GCAT: variants seen among roughly 807,000 people sequenced by gnomAD.
GCAT encodes the protein glycine C-acetyltransferase.
A neutral mutation model predicts 39.7 loss-of-function variants in GCAT; 26 were observed. The observed-to-expected ratio is 0.65, with a 90% CI of 0.48 to 0.91. The LOEUF (loss-of-function observed/expected upper bound fraction) is 0.91. Among genes scored for constraint, GCAT ranks in the 40% least tolerant of loss-of-function variants. The probability of loss-of-function intolerance (pLI) is 0.00; values close to 1 mark genes in which losing one functional copy is unlikely to be tolerated. For missense variants in GCAT, 550 were observed against 576.2 expected (o/e 0.95, Z 0.47); for synonymous variants, 218 against 237.2 (o/e 0.92, Z 0.74).
intron 8 of GCAT, 86 bp from the exon 9 acceptor site, chr22:37,816,481 C>A: frequency 6.4e-7 from 1 of 1,558,142 alleles, no homozygotes; most frequent in Non-Finnish European, 8.8e-7. Context: ...AGTCCCGAAT[C>A]TGAGACCTGG....
At chr22:37,809,519 G>T (rs1236730452) in intron 1 of GCAT, among the ~76,000 whole-genome samples, 2 of 152,082 alleles carry the variant, frequency 1.3e-5, no homozygotes, top group African/African-American at 4.8e-5. Context: ...GGTAGAATGT[G>T]ATTCAAAGCC....
rs1601690667 is a variant in GCAT at position 37,808,174 on chromosome 22, G to T, written c.196+11G>T. The T allele has an allele frequency of 4.1e-6, 6 of 1,473,866 alleles. No individual in the cohort carries two copies. Among genetic ancestry groups the T allele is most frequent in the Non-Finnish European group, 5.4e-6 (6 of 1,109,928 alleles). 91.3% of individuals were successfully genotyped at this position (1,473,866 alleles called of 1,614,324 possible). ...ACGGCGTCTCCGGAGGTAACGCTCC[G>T]TTCCGGGAGTCGTTCCAAGACCTTT... On this transcript the variant is annotated intron_variant, in intron 1 of 8. Coordinates refer to ENST00000248924, the MANE Select transcript of GCAT (RefSeq NM_014291.4).
At chr22:37,809,831 A>G in intron 1 of GCAT, 196 bp from the exon 2 acceptor site, 3 of 674,724 alleles carry the variant, frequency 4.4e-6, no homozygotes, top group Non-Finnish European at 7.7e-6. Flanking sequence ...AAAAAAAAAA[A>G]GTTTAAACTT....
At chr22:37,812,864 C>A in intron 2 of GCAT, 23 bp from the exon 3 acceptor site, 1 of 1,522,704 alleles carries the variant, frequency 6.6e-7, no homozygotes, top group Non-Finnish European at 9.1e-7. Context: ...GGCATCAACA[C>A]GTGTCTCACT....
At position 37,809,809 on chromosome 22, in the gene GCAT, G is replaced by C; in HGVS notation, c.197-218G>C. The C allele has an allele frequency of 4.8e-6, 3 of 625,496 alleles. No homozygotes were observed. The African/African-American group carries it at 5.5e-5, about 11-fold the overall frequency. The allele number at this position is 625,496 out of a possible 1,614,324, so 38.7% of individuals were successfully genotyped here. A position where few individuals can be genotyped will look rare whatever the true frequency, so the allele number is the denominator to read the frequency against. On this transcript the variant is annotated intron_variant, in intron 1 of 8. Transcript: ENST00000248924. ...TACTCCAACCTGGGCGACAGAGCTAGACCCTGTCTCAAAAAAAAAAAAGTT... is the reference window on the plus strand; with the variant it reads ...TACTCCAACCTGGGCGACAGAGCTACACCCTGTCTCAAAAAAAAAAAAGTT...
chr22:37,816,608 G>T lies in GCAT; in HGVS notation c.1150G>T (p.Gly384Cys), dbSNP rs1219501647. 5.0e-6 allele frequency: 8 copies of T among 1,614,194 alleles called. No individual in the cohort carries two copies. The highest frequency in any genetic ancestry group is 6.8e-6 in the Non-Finnish European group (8 of 1,180,030). The part of the protein sequence containing the change: ...IGFSYPVVPK[G>C]KARIRVQISA... ...GTTCAGCTACCCCGTGGTCCCCAAG[G>T]GCAAGGCCCGGATCCGGGTACAGAT... Residue 384 changes from glycine to cysteine, a missense_variant, in exon 9 of 9, where the codon GGC becomes TGC. Physicochemically the swap from Gly to Cys is radical, Grantham distance 159 (BLOSUM62 -3). Transcript: ENST00000248924.
chr22:37,808,117 C>T lies in GCAT; in HGVS notation c.150C>T (p.Ile50=). The T allele has an allele frequency of 6.4e-7, 1 of 1,555,798 alleles. No homozygotes were observed. ...GAGTWKSERV[I]TSRQGPHIRV... ...GCACTTGGAAGAGTGAGCGGGTCAT[C>T]ACGTCCCGTCAGGGGCCGCACATCC... is the stretch of plus-strand genomic sequence containing the variant. The change falls in exon 1 of 9, where the codon ATC becomes ATT. Residue 50 remains isoleucine (I), a synonymous_variant. Coordinates refer to ENST00000248924, the MANE Select transcript of GCAT (RefSeq NM_014291.4).
chr22:37,813,442 A>G, intron 3 of GCAT, 21 bp from the exon 4 acceptor site: 1 of 1,577,698 alleles, frequency 6.3e-7, no homozygotes, highest in Non-Finnish European at 8.6e-7. Flanking sequence ...TGATGGCTCT[A>G]CGCTCACTGC....
At chr22:37,811,510 A>G (rs905782340) in intron 2 of GCAT, among the ~76,000 whole-genome samples, 5 of 151,440 alleles carry the variant, frequency 3.3e-5, no homozygotes, top group Non-Finnish European at 1.5e-5. Context: ...AAAAGCATAG[A>G]ACAGCCTGGC....
rs1314184664 is a variant in GCAT, at chr22:37,812,958, C to T, written c.399C>T (p.Ser133=). 6.2e-7 allele frequency: 1 copy of T among 1,613,492 alleles called. No homozygotes were observed. The highest frequency in any genetic ancestry group is 8.5e-7 in the Non-Finnish European group (1 of 1,179,556). ...GGGAGGATGCCATCCTCTATCCCAG[C>T]TGTTATGACGCCAACGCCGGCCTCT... ...HQREDAILYP[S]CYDANAGLFE... Residue 133 remains serine (S), a synonymous_variant, in exon 3 of 9, where the codon AGC becomes AGT. Coordinates refer to ENST00000248924, the MANE Select transcript of GCAT (RefSeq NM_014291.4).
intron 4 of GCAT, among the ~76,000 whole-genome samples, chr22:37,813,901 G>A (rs550248329): frequency 6.6e-6 from 1 of 152,142 alleles, no homozygotes; most frequent in South Asian, 2.1e-4. Context: ...AAGTAGCTGG[G>A]ATTACAGGCA....
chr22:37,816,919 C>A, downstream of GCAT: 1 of 583,820 alleles, frequency 1.7e-6, no homozygotes, highest in Non-Finnish European at 3.0e-6. Context: ...GCTTTATTGT[C>A]TCTGGGCAGG....
At chr22:37,815,921 T>G in intron 7 of GCAT, 87 bp downstream of exon 7, 17 of 1,491,006 alleles carry the variant, frequency 1.1e-5, no homozygotes, top group Non-Finnish European at 1.6e-5. Flanking sequence ...CAGACAGCTC[T>G]GTGCCCACCG....
rs763133882 is a variant in GCAT at position 37,813,454 on chromosome 22, TCCCTCCAGGCCCTGCTGACCC to T, written c.430-7_443del. 1 of 1,589,764 alleles carries T rather than the reference TCCCTCCAGGCCCTGCTGACCC, an allele frequency of 6.3e-7. No individual in the cohort carries two copies. Among genetic ancestry groups the T allele is most frequent in the Non-Finnish European group, 8.6e-7 (1 of 1,167,988 alleles). ...AAATGATGGCTCTACGCTCACTGCC[TCCCTCCAGGCCCTGCTGACCC>T]CAGAGGACGCAGTCCTGTCGGACGA... On this transcript the variant is annotated splice_acceptor_variant and splice_polypyrimidine_tract_variant and coding_sequence_variant and intron_variant, in exon 4 of 9. Coordinates refer to ENST00000248924, the MANE Select transcript of GCAT (RefSeq NM_014291.4). LOFTEE classifies it high-confidence loss of function.
In GCAT at chr22:37,815,821, GC is replaced by G. The variant is rs1922124957; in HGVS notation, c.975del (p.Lys326ArgfsTer26). 6.2e-7 allele frequency: 1 copy of G among 1,613,826 alleles called. No individual in the cohort carries two copies. The highest frequency in any genetic ancestry group is 8.5e-7 in the Non-Finnish European group (1 of 1,179,986). On this transcript the variant is annotated frameshift_variant, in exon 7 of 9. Transcript: ENST00000248924. LOFTEE classifies it high-confidence loss of function. The stretch of plus-strand genomic sequence containing the variant: ...TAACACCATTGTCCAGTCTATGGCT[GC>G]CAAGACCCAGAGGTGCGACTCCCAG... ...GSNTIVQSMAAKTQRFRSKME... is the reference protein window; with the variant it reads ...GSNTIVQSMAXKTQRFRSKME...
At position 37,813,549 on chromosome 22, in the gene GCAT, C is replaced by T. The variant is rs1226341125; in HGVS notation, c.516C>T (p.His172=). Residue 172 remains histidine, a synonymous_variant, in exon 4 of 9, where the codon CAC becomes CAT. Coordinates refer to ENST00000248924, the MANE Select transcript of GCAT (RefSeq NM_014291.4). ...ACGGCATCCGGCTGTGCAAGGCCCA[C>T]AAGTACCGCTATCGCCACCTGGACA... ...IIDGIRLCKA[H]KYRYRHLDMA... The T allele has an allele frequency of 6.2e-7, 1 of 1,613,602 alleles. No individual in the cohort carries two copies. Among genetic ancestry groups the T allele is most frequent in the African/African-American group, 1.3e-5 (1 of 74,942 alleles).
In GCAT at chr22:37,815,420, G is replaced by A. The variant is rs755421669; in HGVS notation, c.734G>A (p.Gly245Asp). The A allele has an allele frequency of 1.2e-6, 2 of 1,609,940 alleles. No homozygotes were observed. Among genetic ancestry groups the A allele is most frequent in the Admixed American group, 1.7e-5 (1 of 59,538 alleles). ...ATGFLGPTGR[G>D]TDELLGVMDQ... ...AGCAGCGGTGGCTTCCCTTGCAGGGGCACAGATGAGCTGCTGGGTGTGATG... is the reference window on the plus strand; with the variant it reads ...AGCAGCGGTGGCTTCCCTTGCAGGGACACAGATGAGCTGCTGGGTGTGATG... The change falls in exon 6 of 9, where the codon GGC (glycine) becomes GAC (aspartate). Residue 245 changes from glycine to aspartate, a missense_variant and splice_region_variant. Coordinates refer to ENST00000248924, the MANE Select transcript of GCAT (RefSeq NM_014291.4).
At chr22:37,813,657 G>A (rs1028705245) in intron 4 of GCAT, 48 bp downstream of exon 4, 4 of 1,536,332 alleles carry the variant, frequency 2.6e-6, no homozygotes, top group Non-Finnish European at 2.6e-6. Flanking sequence ...GGGGAAGGAA[G>A]TGAGGCTTAG....
intron 1 of GCAT, among the ~76,000 whole-genome samples, chr22:37,809,410 C>A (rs1174693864): frequency 6.6e-6 from 1 of 152,172 alleles, no homozygotes; most frequent in Non-Finnish European, 1.5e-5. Context: ...ATCCAGCCCT[C>A]TTCTTTAACC....
Sources: gnomAD v4.1 joint callset for allele counts (sites outside exome capture counted in the v4.1 genomes callset) on GRCh38, gnomAD v4.1.1 for gene constraint, MANE v1.5 for transcripts, NCBI Gene and HGNC (gene_info 2026-07-23, HGNC 2026-07-21) for gene names.